Variants in DNASE2B observed in about 807,000 individuals in gnomAD.
DNASE2B encodes deoxyribonuclease 2 beta, also known as deoxyribonuclease-2-beta.
DNASE2B carries 43 observed loss-of-function variants against 46.0 expected under a neutral mutation model. That is an observed-to-expected ratio of 0.94 (90% CI 0.73 to 1.21). The LOEUF (loss-of-function observed/expected upper bound fraction) is 1.21. Ranked by LOEUF, DNASE2B falls within the 50% of genes most tolerant of loss-of-function variation. The pLI is 0.00. For missense variants in DNASE2B, 395 were observed against 414.4 expected (o/e 0.95, Z 0.41); for synonymous variants, 156 against 152.5 (o/e 1.02, Z -0.17).
intron 1 of DNASE2B, among the ~76,000 whole-genome samples, chr1:84,401,083 C>T (rs1005410698): frequency 6.6e-6 from 1 of 152,116 alleles, no homozygotes; most frequent in Non-Finnish European, 1.5e-5. Flanking sequence ...GGGGTTCATG[C>T]TATTAGAAAG....
At chr1:84,403,409 A>G (rs1267957001) in intron 2 of DNASE2B, among the ~76,000 whole-genome samples, 1 of 152,246 alleles carries the variant, frequency 6.6e-6, no homozygotes, top group East Asian at 1.9e-4. Context: ...TAGAGAAAGG[A>G]AAATGTTATT....
chr1:84,414,540 C>T lies in DNASE2B; in HGVS notation c.758C>T (p.Ala253Val). Residue 253 changes from alanine to valine, a missense_variant, in exon 6 of 6, where the codon GCC (alanine) becomes GTC (valine). Transcript: ENST00000370665. The stretch of plus-strand genomic sequence containing the variant: ...TCCTAAACCCTAGACATCTTTGCAG[C>T]CTGGATGGCTCAACGGCTGAAGACA... ...SDSFLDDIFAAWMAQRLKTHL... is the reference protein window; with the variant it reads ...SDSFLDDIFAVWMAQRLKTHL... 1.2e-6 allele frequency: 2 copies of T among 1,609,072 alleles called. No individual in the cohort carries two copies. The highest frequency in any genetic ancestry group is 8.5e-7 in the Non-Finnish European group (1 of 1,177,578).
intron 3 of DNASE2B, among the ~76,000 whole-genome samples, chr1:84,410,417 C>T (rs1680568010): frequency 6.6e-6 from 1 of 152,178 alleles, no homozygotes; most frequent in Non-Finnish European, 1.5e-5. Context: ...TTGATATTTT[C>T]TCTTTCAACT....
At chr1:84,411,420 C>A in intron 4 of DNASE2B, among the ~76,000 whole-genome samples, 1 of 142,668 alleles carries the variant, frequency 7.0e-6, no homozygotes, top group South Asian at 2.2e-4. Flanking sequence ...GTACCAGAAA[C>A]CTAGGGTGTG....
chr1:84,412,669 A>T (rs1680622116), intron 5 of DNASE2B, 123 bp downstream of exon 5: 1 of 1,015,988 alleles, frequency 9.8e-7, no homozygotes, highest in Non-Finnish European at 1.4e-6. Flanking sequence ...GCAAAAGAAA[A>T]GGAAAAAGGA....
At chr1:84,403,214 C>G (rs1006252901) in intron 2 of DNASE2B, among the ~76,000 whole-genome samples, 1 of 152,162 alleles carries the variant, frequency 6.6e-6, no homozygotes, top group Admixed American at 6.5e-5. Flanking sequence ...GGTGCCGGCC[C>G]TCATGCCGTC....
At chr1:84,411,309 G>T (rs1396796637) in intron 4 of DNASE2B, among the ~76,000 whole-genome samples, 2 of 152,066 alleles carry the variant, frequency 1.3e-5, no homozygotes, top group African/African-American at 4.8e-5. Context: ...ATGAACTGGG[G>T]TGTTGACTCA....
intron 2 of DNASE2B, among the ~76,000 whole-genome samples, chr1:84,405,324 G>C (rs952262472): frequency 6.6e-6 from 1 of 152,112 alleles, no homozygotes. Flanking sequence ...TTAAGTATGA[G>C]CTATAAAAGT....
Position 84,414,606 on chromosome 1 carries a change from T to C in DNASE2B, c.824T>C (p.Leu275Pro). 2 of 1,614,138 alleles carry C rather than the reference T, an allele frequency of 1.2e-6. No individual in the cohort carries two copies. The highest frequency in any genetic ancestry group is 1.7e-6 in the Non-Finnish European group (2 of 1,179,998). ...ACCTGGCAGCGAAAAAGACAAGAGCTTCCTTCAAACTGCTCCCTTCCTTAC... is the reference window on the plus strand; with the variant it reads ...ACCTGGCAGCGAAAAAGACAAGAGCCTCCTTCAAACTGCTCCCTTCCTTAC... ...TETWQRKRQE[L>P]PSNCSLPYHV... Residue 275 changes from leucine to proline, a missense_variant, in exon 6 of 6, where the codon CTT (leucine) becomes CCT (proline). By Grantham distance (98) the Leu-to-Pro change is moderately conservative (BLOSUM62 -3). Transcript: ENST00000370665.
chr1:84,408,535 T>C lies in DNASE2B; in HGVS notation c.385+17T>C, dbSNP rs371119594. ...ACACCAAAGGTATGACAAAGATTCT[T>C]GGTTTCTCTTTCCTACTGGAAATCA... On this transcript the variant is annotated intron_variant, in intron 3 of 5. Transcript: ENST00000370665. 9 of 1,602,052 alleles carry C rather than the reference T, an allele frequency of 5.6e-6. No homozygotes were observed. Among genetic ancestry groups the C allele is most frequent in the Admixed American group, 1.7e-5 (1 of 58,300 alleles).
intron 1 of DNASE2B, among the ~76,000 whole-genome samples, chr1:84,399,771 G>A (rs1361234339): frequency 1.3e-5 from 2 of 151,354 alleles, no homozygotes; most frequent in African/African-American, 4.9e-5. Flanking sequence ...ACAGCCAAGG[G>A]GTCTGTGTGC....
Position 84,412,342 on chromosome 1 carries a change from G to T in DNASE2B, c.548-7G>T. The stretch of plus-strand genomic sequence containing the variant: ...TCTCAACTTTTCTTTACTGTTTCTT[G>T]ATTCAGATTCTCAGCTCTTGGTCTG... On this transcript the variant is annotated splice_region_variant and splice_polypyrimidine_tract_variant and intron_variant, in intron 4 of 5. Coordinates refer to ENST00000370665, the MANE Select transcript of DNASE2B (RefSeq NM_021233.3). 1 of 1,515,254 alleles carries T rather than the reference G, an allele frequency of 6.6e-7. No homozygotes were observed. The highest frequency in any genetic ancestry group is 1.4e-5 in the African/African-American group (1 of 71,792). 93.9% of individuals were successfully genotyped at this position (1,515,254 alleles called of 1,614,324 possible). A position where few individuals can be genotyped will look rare whatever the true frequency, so the allele number is the denominator to read the frequency against.
chr1:84,410,836 A>T lies in DNASE2B; in HGVS notation c.386-2A>T, dbSNP rs200659819. 104 of 1,607,616 alleles carry T rather than the reference A, an allele frequency of 6.5e-5. No homozygotes were observed. The Admixed American group carries it at 6.9e-4, about 11-fold the overall frequency. On this transcript the variant is annotated splice_acceptor_variant, in intron 3 of 5. Coordinates refer to ENST00000370665, the MANE Select transcript of DNASE2B (RefSeq NM_021233.3). LOFTEE classifies it high-confidence loss of function. ...TATCTTTGTTAAATGTGTCTTTGGTAGGTTTACTGCTGTGGAACAGAGTTC... is the reference window on the plus strand; with the variant it reads ...TATCTTTGTTAAATGTGTCTTTGGTTGGTTTACTGCTGTGGAACAGAGTTC...
chr1:84,407,103 A>C (rs982091070), intron 2 of DNASE2B, among the ~76,000 whole-genome samples: 2 of 152,186 alleles, frequency 1.3e-5, no homozygotes, highest in Non-Finnish European at 2.9e-5. Flanking sequence ...ACCTACTCTT[A>C]AGTCCATGAT....
At chr1:84,405,503 A>G (rs1680479706) in intron 2 of DNASE2B, among the ~76,000 whole-genome samples, 1 of 152,188 alleles carries the variant, frequency 6.6e-6, no homozygotes, top group Admixed American at 6.5e-5. Context: ...CAAGCAATTC[A>G]ACATCTTCTT....
intron 4 of DNASE2B, 117 bp from the exon 5 acceptor site, chr1:84,412,232 A>G: frequency 1.0e-6 from 1 of 957,938 alleles, no homozygotes; most frequent in Non-Finnish European, 1.4e-6. Context: ...TTAAAGAAAG[A>G]AATGCCTTTG....
intron 2 of DNASE2B, among the ~76,000 whole-genome samples, chr1:84,403,028 C>G (rs1166512479): frequency 6.6e-6 from 1 of 152,136 alleles, no homozygotes; most frequent in Non-Finnish European, 1.5e-5. Flanking sequence ...TGTTATTTAC[C>G]TGCCATTAAG....
intron 2 of DNASE2B, among the ~76,000 whole-genome samples, chr1:84,406,197 G>A (rs994511772): frequency 1.3e-5 from 2 of 151,958 alleles, no homozygotes; most frequent in African/African-American, 2.4e-5. Context: ...AAATGAAAAC[G>A]CCTGCAGCTG....
In DNASE2B at chr1:84,410,881, T is replaced by G. The variant is rs1357747048; in HGVS notation, c.429T>G (p.His143Gln). Reference sequence around the variant, plus strand: ...GAGTTCAAGGGTTCTGGCTGATTCATTCCATCCCTCAGTTTCCTCCAATTC... The same window carrying G: ...GAGTTCAAGGGTTCTGGCTGATTCAGTCCATCCCTCAGTTTCCTCCAATTC... Reference protein sequence around the residue: ...WNRVQGFWLIHSIPQFPPIPE... With the variant: ...WNRVQGFWLIQSIPQFPPIPE... Residue 143 changes from histidine (H) to glutamine (Q), a missense_variant, in exon 4 of 6, where the codon CAT becomes CAG. Physicochemically the swap from His to Gln is conservative, Grantham distance 24. Transcript: ENST00000370665. The G allele has an allele frequency of 6.2e-7, 1 of 1,613,676 alleles. No homozygotes were observed. The highest frequency in any genetic ancestry group is 1.1e-5 in the South Asian group (1 of 90,994).
Sources: gnomAD v4.1 joint callset for allele counts (sites outside exome capture counted in the v4.1 genomes callset) on GRCh38, gnomAD v4.1.1 for gene constraint, MANE v1.5 for transcripts, NCBI Gene and HGNC (gene_info 2026-07-23, HGNC 2026-07-21) for gene names.